The following TMEM132B variants were observed in gnomAD, a reference collection of about 807,000 sequenced individuals.
The protein encoded by TMEM132B is transmembrane protein 132B.
Under a neutral mutation model 90.8 loss-of-function variants are expected in TMEM132B, and 18 were observed. The observed-to-expected ratio is 0.20, with a 90% CI of 0.14 to 0.29. The LOEUF is 0.29. Ranked by LOEUF, TMEM132B falls within the 10% of genes least tolerant of loss-of-function variation. TMEM132B has a pLI of 1.00. For missense variants in TMEM132B, 1,096 were observed against 1,326.8 expected (o/e 0.83, Z 2.70); for synonymous variants, 504 against 523.3 (o/e 0.96, Z 0.50).
chr12:125,340,635 C>T (rs1019849443), intron 1 of TMEM132B, among the ~76,000 whole-genome samples: 2 of 152,198 alleles, frequency 1.3e-5, no homozygotes, highest in South Asian at 2.1e-4. Flanking sequence ...AGAATGTAAT[C>T]TCAAGTGCTC....
At chr12:125,580,499 T>A (rs1390945323) in intron 4 of TMEM132B, among the ~76,000 whole-genome samples, 2 of 152,214 alleles carry the variant, frequency 1.3e-5, no homozygotes, top group East Asian at 3.8e-4. Context: ...AGCCCTGACC[T>A]GACCCCTCCA....
chr12:125,633,219 C>T (rs372015455), intron 5 of TMEM132B, among the ~76,000 whole-genome samples: 2 of 152,056 alleles, frequency 1.3e-5, no homozygotes, highest in Non-Finnish European at 2.9e-5. Context: ...GTGACTGGTG[C>T]GTTCTTCAGT....
chr12:125,614,543 C>G (rs1885942329), intron 5 of TMEM132B, among the ~76,000 whole-genome samples: 1 of 152,048 alleles, frequency 6.6e-6, no homozygotes, highest in Non-Finnish European at 1.5e-5. Flanking sequence ...GATTCCATGT[C>G]TTTGCTATTG....
At chr12:125,555,666 A>G (rs977148042) in intron 4 of TMEM132B, among the ~76,000 whole-genome samples, 3 of 151,796 alleles carry the variant, frequency 2.0e-5, no homozygotes, top group Non-Finnish European at 4.4e-5. Flanking sequence ...ATACATATGT[A>G]ACAAACCTGC....
intron 3 of TMEM132B, among the ~76,000 whole-genome samples, chr12:125,419,553 C>A (rs969675271): frequency 6.6e-6 from 1 of 152,212 alleles, no homozygotes; most frequent in African/African-American, 2.4e-5. Context: ...CACCGGGTCC[C>A]TTCCACATGT....
At chr12:125,285,509 G>A (rs891133719) in intron 1 of TMEM132B, among the ~76,000 whole-genome samples, 1 of 152,162 alleles carries the variant, frequency 6.6e-6, no homozygotes, top group Non-Finnish European at 1.5e-5. Context: ...TCCATCCAGC[G>A]CTGGACTGAG....
chr12:125,467,127 A>G (rs960154463), intron 3 of TMEM132B, among the ~76,000 whole-genome samples: 5 of 152,102 alleles, frequency 3.3e-5, no homozygotes, highest in African/African-American at 1.2e-4. Flanking sequence ...CCCTCTGTCA[A>G]CCACTACCCT....
chr12:125,310,675 C>G (rs549275890), intron 1 of TMEM132B, among the ~76,000 whole-genome samples: 31 of 152,314 alleles, frequency 2.0e-4, no homozygotes, highest in African/African-American at 7.2e-4. Context: ...TCTGGTAGGC[C>G]TCTGGTTACC....
chr12:125,457,295 G>A (rs1388435710), intron 3 of TMEM132B, among the ~76,000 whole-genome samples: 1 of 152,190 alleles, frequency 6.6e-6, no homozygotes, highest in African/African-American at 2.4e-5. Context: ...TGCTTAGTTT[G>A]AGGATTTTCT....
At chr12:125,287,999 C>T (rs905032055) in intron 1 of TMEM132B, among the ~76,000 whole-genome samples, 1 of 151,962 alleles carries the variant, frequency 6.6e-6, no homozygotes, top group Non-Finnish European at 1.5e-5. Flanking sequence ...TCCTGAGTAG[C>T]TGGGACTATA....
chr12:125,286,796 T>C (rs7304042), intron 1 of TMEM132B, among the ~76,000 whole-genome samples: 20,732 of 151,852 alleles, frequency 0.14, 1,563 homozygotes, highest in African/African-American at 0.2. Flanking sequence ...CTCTGCCTCC[T>C]GGGTTTAAGT....
rs1350171256 is a variant in TMEM132B, at chr12:125,622,731, C to T, written c.1438-21345C>T. ...TTTCCAGAAACCTTTTTTCTGCTCTCATTCTGGAGCAAGTGGTGGGGAGGA... is the reference window on the plus strand; with the variant it reads ...TTTCCAGAAACCTTTTTTCTGCTCTTATTCTGGAGCAAGTGGTGGGGAGGA... On this transcript the variant is annotated intron_variant, in intron 5 of 8. Transcript: ENST00000682704. 5.7e-6 allele frequency: 5 copies of T among 871,754 alleles called. No homozygotes were observed. In the African/African-American group the frequency reaches 7.3e-5, roughly 13 times the overall value. The allele number at this position is 871,754 out of a possible 1,614,324, so 54.0% of individuals were successfully genotyped here. A position where few individuals can be genotyped will look rare whatever the true frequency, so the allele number is the denominator to read the frequency against.
At position 125,350,132 on chromosome 12, in the gene TMEM132B, G is replaced by C. The variant is rs759922434; in HGVS notation, c.748G>C (p.Gly250Arg). The change falls in exon 2 of 9, where the codon GGC (glycine) becomes CGC (arginine). Residue 250 changes from glycine to arginine, a missense_variant. Gly to Arg is a moderately radical substitution (Grantham distance 125). Transcript: ENST00000682704. ...EGKWENNIHS[G>R]LESPQQAFPA... is the part of the protein sequence containing the mutation. ...CAAGTGGGAGAACAATATCCACTCGGGCCTGGAGAGCCCCCAGCAAGCGTT... is the reference window on the plus strand; with the variant it reads ...CAAGTGGGAGAACAATATCCACTCGCGCCTGGAGAGCCCCCAGCAAGCGTT... The C allele has an allele frequency of 6.2e-7, 1 of 1,614,224 alleles. No homozygotes were observed. The highest frequency in any genetic ancestry group is 1.1e-5 in the South Asian group (1 of 91,078).
At chr12:125,579,813 A>G (rs1406905866) in intron 4 of TMEM132B, among the ~76,000 whole-genome samples, 2 of 152,128 alleles carry the variant, frequency 1.3e-5, no homozygotes, top group African/African-American at 4.8e-5. Flanking sequence ...TGTCCTGTGT[A>G]TGGACCATAT....
chr12:125,519,132 G>T (rs1173868232), intron 3 of TMEM132B, among the ~76,000 whole-genome samples: 1 of 152,184 alleles, frequency 6.6e-6, no homozygotes, highest in African/African-American at 2.4e-5. Context: ...GCCCGTGCCT[G>T]GGCTGGGGAG....
At chr12:125,284,389 G>A (rs569138156) in intron 1 of TMEM132B, among the ~76,000 whole-genome samples, 1 of 152,170 alleles carries the variant, frequency 6.6e-6, no homozygotes, top group African/African-American at 2.4e-5. Context: ...CTGTGCATGT[G>A]CTGGGCTCTG....
Position 125,277,812 on chromosome 12 carries a change from T to C in TMEM132B, c.68-71640T>C, listed in dbSNP as rs1875044974. Among the ~76,000 whole-genome samples, 1 of 152,232 alleles carries C rather than the reference T, an allele frequency of 6.6e-6. No individual in the cohort carries two copies. The highest frequency in any genetic ancestry group is 2.4e-5 in the African/African-American group (1 of 41,458). On this transcript the variant is annotated intron_variant, in intron 1 of 8. Coordinates refer to ENST00000682704, the MANE Select transcript of TMEM132B (RefSeq NM_001366854.1). This position sits in a 1 kb window ranked among gnomAD's most constrained non-coding sequence, Gnocchi z 4.3. Reference sequence around the variant, plus strand: ...AGCTAACAACGACGTTAAAAAAAGTTGGACAAATGGCTACTGTTTAAAAAC... The same window carrying C: ...AGCTAACAACGACGTTAAAAAAAGTCGGACAAATGGCTACTGTTTAAAAAC...
intron 2 of TMEM132B, among the ~76,000 whole-genome samples, chr12:125,376,357 T>C (rs1480790370): frequency 1.3e-5 from 2 of 152,128 alleles, no homozygotes; most frequent in Non-Finnish European, 1.5e-5. Context: ...CAGACTTAAA[T>C]AAAAATATTA....
chr12:125,264,659 C>T (rs1237420680), intron 1 of TMEM132B, among the ~76,000 whole-genome samples: 1 of 152,190 alleles, frequency 6.6e-6, no homozygotes, highest in East Asian at 1.9e-4. Context: ...AGCTGGTGCA[C>T]AACTGTTGCG....
Sources: gnomAD v4.1 joint callset for allele counts (sites outside exome capture counted in the v4.1 genomes callset) on GRCh38, gnomAD v4.1.1 for gene constraint, Gnocchi (gnomAD v3.1) non-coding constraint, MANE v1.5 for transcripts, NCBI Gene and HGNC (gene_info 2026-07-23, HGNC 2026-07-21) for gene names.